The following YBX3 variants were observed in gnomAD, a reference collection of about 807,000 sequenced individuals.
The protein encoded by YBX3 is Y-box binding protein 3, also known as Y-box-binding protein 3.
Under a neutral mutation model 42.4 loss-of-function variants are expected in YBX3, and 29 were observed. That is an observed-to-expected ratio of 0.68 (90% CI 0.51 to 0.93). YBX3 has a LOEUF of 0.93. Among genes scored for constraint, YBX3 ranks in the 40% least tolerant of loss-of-function variants. The probability of loss-of-function intolerance (pLI) is 0.00; values close to 1 mark genes in which losing one functional copy is unlikely to be tolerated. For missense variants in YBX3, 517 were observed against 527.5 expected (o/e 0.98, Z 0.19); for synonymous variants, 195 against 189.8 (o/e 1.03, Z -0.22).
intron 1 of YBX3, among the ~76,000 whole-genome samples, chr12:10,719,432 C>T (rs1425456372): frequency 6.6e-6 from 1 of 152,006 alleles, no homozygotes; most frequent in African/African-American, 2.4e-5. Flanking sequence ...TTGAGAAACA[C>T]TGAAGGAAAA....
intron 7 of YBX3, chr12:10,703,647 G>A (rs544245391): frequency 2.0e-4 from 76 of 380,836 alleles, no homozygotes; most frequent in Non-Finnish European, 3.3e-4. Context: ...AAATTCAGGC[G>A]ATTTGATCAT....
intron 7 of YBX3, 104 bp from the exon 8 acceptor site, chr12:10,702,238 G>A: frequency 8.2e-7 from 1 of 1,212,190 alleles, no homozygotes; most frequent in Non-Finnish European, 1.1e-6. Flanking sequence ...CAAGTGATCA[G>A]GGCCAGGCAT....
intron 9 of YBX3, among the ~76,000 whole-genome samples, 152 bp downstream of exon 9, chr12:10,701,102 C>T (rs1591720203): frequency 6.6e-6 from 1 of 152,198 alleles, no homozygotes; most frequent in East Asian, 1.9e-4. Context: ...TATTTAACCA[C>T]CAAATCACTT....
Position 10,722,798 on chromosome 12 carries a change from C to T in YBX3, c.262+52G>A, listed in dbSNP as rs912696581. On this transcript the variant is annotated intron_variant, in intron 1 of 9. Transcript: ENST00000228251. The stretch of plus-strand genomic sequence containing the variant: ...GAGCTGCCCACACGTGCTCCGCGGC[C>T]GGCTGGGCCCGCCCCACTACGGCAG... 2.9e-6 allele frequency: 4 copies of T among 1,360,412 alleles called. No homozygotes were observed. In the South Asian group the frequency reaches 7.8e-5, roughly 26 times the overall value. 84.3% of individuals were successfully genotyped at this position (1,360,412 alleles called of 1,614,324 possible).
intron 6 of YBX3, among the ~76,000 whole-genome samples, chr12:10,706,001 T>C (rs1377828315): frequency 2.0e-5 from 3 of 152,250 alleles, no homozygotes; most frequent in Non-Finnish European, 4.4e-5. Flanking sequence ...GAATGTTATT[T>C]AAAAACAAAA....
At chr12:10,713,169 A>C in intron 5 of YBX3, 42 bp downstream of exon 5, 1 of 1,585,830 alleles carries the variant, frequency 6.3e-7, no homozygotes, top group Non-Finnish European at 8.6e-7. Context: ...TCCATGCATG[A>C]ACAATTTCTC....
chr12:10,715,824 A>T (rs926381563), intron 3 of YBX3, 41 bp from the exon 4 acceptor site: 1 of 1,532,958 alleles, frequency 6.5e-7, no homozygotes, highest in Admixed American at 1.7e-5. Flanking sequence ...GTATATTTCA[A>T]TATTGGCCAC....
intron 1 of YBX3, chr12:10,721,079 C>A (rs1237722958): frequency 6.6e-6 from 1 of 152,162 alleles, no homozygotes; most frequent in East Asian, 1.9e-4. Flanking sequence ...TAGAACATAT[C>A]CATTTTAGTC....
At chr12:10,722,733 G>T in intron 1 of YBX3, 117 bp downstream of exon 1, 1 of 967,396 alleles carries the variant, frequency 1.0e-6, no homozygotes, top group Non-Finnish European at 1.3e-6. Context: ...TGGGGACCCT[G>T]TGCTGTCAGC....
At chr12:10,706,168 C>T (rs1401043597) in intron 6 of YBX3, among the ~76,000 whole-genome samples, 4 of 152,198 alleles carry the variant, frequency 2.6e-5, no homozygotes, top group East Asian at 3.8e-4. Context: ...GGCAAACACA[C>T]GTGCCTACCT....
chr12:10,717,373 CAA>C (rs940641459), intron 3 of YBX3, among the ~76,000 whole-genome samples: 1 of 152,170 alleles, frequency 6.6e-6, no homozygotes, highest in Admixed American at 6.5e-5. Flanking sequence ...ACTAAATAAA[CAA>C]AAAGAACACT....
In YBX3 at chr12:10,709,996, T is replaced by A. The variant is rs144215756; in HGVS notation, c.692A>T (p.Gln231Leu). ...NQLRRPQYRPQYRQRRFPPYH... is the reference protein window; with the variant it reads ...NQLRRPQYRPLYRQRRFPPYH... ...AGGCGGGAACCGCCGCTGCCGGTAC[T>A]GAGGGCGATACTGGGGGCGGCGCAG... Residue 231 changes from glutamine to leucine, a missense_variant, in exon 6 of 10, where the codon CAG (glutamine) becomes CTG (leucine). Physicochemically the swap from Gln to Leu is moderately radical, Grantham distance 113. Coordinates refer to ENST00000228251, the MANE Select transcript of YBX3 (RefSeq NM_003651.5). 3 of 1,614,094 alleles carry A rather than the reference T, an allele frequency of 1.9e-6. No homozygotes were observed. The highest frequency in any genetic ancestry group is 1.3e-5 in the African/African-American group (1 of 74,952).
intron 9 of YBX3, among the ~76,000 whole-genome samples, chr12:10,701,030 C>T (rs1948072054): frequency 6.6e-6 from 1 of 152,142 alleles, no homozygotes; most frequent in African/African-American, 2.4e-5. Context: ...TGAGTATCAT[C>T]AACTCTGTCT....
chr12:10,704,123 T>C lies in YBX3; in HGVS notation c.806A>G (p.Asp269Gly), dbSNP rs1565586069. The C allele has an allele frequency of 1.2e-6, 2 of 1,614,074 alleles. No individual in the cohort carries two copies. Among genetic ancestry groups the C allele is most frequent in the South Asian group, 1.1e-5 (1 of 91,088 alleles). Reference protein sequence around the residue: ...IQAGEIGEMKDGVPEGAQLQG... With the variant: ...IQAGEIGEMKGGVPEGAQLQG... ...AAGTTGTGCTCCCTCTGGGACTCCA[T>C]CCTTCATCTCTCCAATCTCACCAGC... The change falls in exon 7 of 10, where the codon GAT becomes GGT. Residue 269 changes from aspartate (D) to glycine (G), a missense_variant. Asp to Gly is a moderately conservative substitution (Grantham distance 94). Transcript: ENST00000228251.
chr12:10,709,979 A>G lies in YBX3; in HGVS notation c.709T>C (p.Phe237Leu). Residue 237 changes from phenylalanine to leucine, a missense_variant, in exon 6 of 10, where the codon TTC (phenylalanine) becomes CTC (leucine). Transcript: ENST00000228251. ...GTCTGTCCCACGTGGTAAGGCGGGA[A>G]CCGCCGCTGCCGGTACTGAGGGCGA... ...QYRPQYRQRR[F>L]PPYHVGQTFD... 6.2e-7 allele frequency: 1 copy of G among 1,613,284 alleles called. No homozygotes were observed.
rs1408026709 is a variant in YBX3 at position 10,723,264 on chromosome 12, C to T, written c.-153G>A. 9.6e-6 allele frequency: 11 copies of T among 1,141,000 alleles called. No individual in the cohort carries two copies. The South Asian group carries it at 4.3e-4, about 45-fold the overall frequency. The allele number at this position is 1,141,000 out of a possible 1,614,324, so 70.7% of individuals were successfully genotyped here. A position where few individuals can be genotyped will look rare whatever the true frequency, so the allele number is the denominator to read the frequency against. On this transcript the variant is annotated 5_prime_UTR_variant, in exon 1 of 10. Transcript: ENST00000228251. The stretch of plus-strand genomic sequence containing the variant: ...CGGCGGCCGAGGTGGGGTCGCGCGG[C>T]GGAGGCGGCTCGAGCTTCGTGCTGC...
intron 2 of YBX3, 76 bp downstream of exon 2, chr12:10,719,004 G>T: frequency 7.2e-7 from 1 of 1,391,908 alleles, no homozygotes; most frequent in South Asian, 1.2e-5. Flanking sequence ...CATTAATGAA[G>T]GCTAAGGGAT....
intron 2 of YBX3, 89 bp from the exon 3 acceptor site, chr12:10,718,210 G>A (rs963288921): frequency 2.5e-6 from 3 of 1,177,538 alleles, no homozygotes; most frequent in Admixed American, 2.0e-5. Flanking sequence ...TAACTCCCAA[G>A]TCCTCAAAAC....
chr12:10,700,315 C>T (rs558726884), intron 9 of YBX3, among the ~76,000 whole-genome samples: 1 of 152,214 alleles, frequency 6.6e-6, no homozygotes, highest in East Asian at 1.9e-4. Flanking sequence ...TTATAATAAT[C>T]CCAAAACTTC....
Sources: gnomAD v4.1 joint callset for allele counts (sites outside exome capture counted in the v4.1 genomes callset) on GRCh38, gnomAD v4.1.1 for gene constraint, MANE v1.5 for transcripts, NCBI Gene and HGNC (gene_info 2026-07-23, HGNC 2026-07-21) for gene names.